SATB2: variants seen among roughly 807,000 people sequenced by gnomAD.
The protein encoded by SATB2 is SATB homeobox 2.
In SATB2, 1 loss-of-function variant was observed where a neutral mutation model predicts 73.4. That is an observed-to-expected ratio of 0.01 (90% CI 0.00 to 0.06). SATB2 has a LOEUF of 0.06. Among genes scored for constraint, SATB2 ranks in the 10% least tolerant of loss-of-function variants. SATB2 has a pLI of 1.00. For missense variants in SATB2, 459 were observed against 945.8 expected (o/e 0.49, Z 6.75); for synonymous variants, 397 against 367.0 (o/e 1.08, Z -0.93).
intron 6 of SATB2, among the ~76,000 whole-genome samples, chr2:199,350,217 A>G (rs1460839673): frequency 6.6e-6 from 1 of 152,232 alleles, no homozygotes; most frequent in East Asian, 1.9e-4. Context: ...CATTAAAGAT[A>G]ACTTTAAGAA....
chr2:199,368,455 C>T, intron 6 of SATB2, 150 bp downstream of exon 6: 1 of 639,080 alleles, frequency 1.6e-6, no homozygotes, highest in Non-Finnish European at 2.8e-6. Context: ...AGGGAGCCAA[C>T]TAGGATCTCA....
chr2:199,416,238 T>G (rs987078255), intron 3 of SATB2, among the ~76,000 whole-genome samples: 5 of 152,246 alleles, frequency 3.3e-5, no homozygotes, highest in Admixed American at 6.5e-5. Flanking sequence ...CTGAATGAAT[T>G]TTAAAAATAT....
intron 3 of SATB2, among the ~76,000 whole-genome samples, chr2:199,425,194 A>G (rs1471742911): frequency 6.6e-6 from 1 of 152,212 alleles, no homozygotes; most frequent in East Asian, 1.9e-4. Flanking sequence ...AATGAGACAT[A>G]CCTTAATTAT....
At chr2:199,327,726 T>C (rs1346386738) in intron 8 of SATB2, among the ~76,000 whole-genome samples, 2 of 152,054 alleles carry the variant, frequency 1.3e-5, no homozygotes, top group Admixed American at 6.6e-5. Flanking sequence ...AAAAGAATAC[T>C]TTTCAAGTGT....
chr2:199,326,483 A>T (rs1688031757), intron 8 of SATB2, among the ~76,000 whole-genome samples: 2 of 152,098 alleles, frequency 1.3e-5, no homozygotes, highest in Admixed American at 1.3e-4. Flanking sequence ...TGGCACTGAA[A>T]GCTATTAGGT....
chr2:199,461,476 A>G (rs1692476322), upstream of SATB2, among the ~76,000 whole-genome samples: 1 of 152,254 alleles, frequency 6.6e-6, no homozygotes, highest in African/African-American at 2.4e-5. Flanking sequence ...CAAACTTTTT[A>G]AAACAAAATC....
At chr2:199,398,573 G>T (rs1025971556) in intron 3 of SATB2, among the ~76,000 whole-genome samples, 2 of 152,126 alleles carry the variant, frequency 1.3e-5, no homozygotes, top group African/African-American at 2.4e-5. Context: ...AGATGACCAA[G>T]TCACCCACAC....
At chr2:199,466,815 A>G (rs943372646), upstream of SATB2, among the ~76,000 whole-genome samples, 15 of 152,182 alleles carry the variant, frequency 9.9e-5, no homozygotes, top group African/African-American at 3.4e-4. Flanking sequence ...TCTGTGTCTC[A>G]GTACTCTTTT....
intron 7 of SATB2, among the ~76,000 whole-genome samples, chr2:199,344,760 T>C (rs1688602892): frequency 6.6e-6 from 1 of 152,160 alleles, no homozygotes; most frequent in Non-Finnish European, 1.5e-5. Context: ...ATTGACCCCC[T>C]ATCACTTCCA....
intron 2 of SATB2, among the ~76,000 whole-genome samples, chr2:199,443,586 ACTGT>A (rs1691882681): frequency 6.6e-6 from 1 of 151,740 alleles, no homozygotes; most frequent in South Asian, 2.1e-4. Flanking sequence ...AGAAAATCCT[ACTGT>A]CTATGTTTAG....
chr2:199,355,007 G>A lies in SATB2; in HGVS notation c.701-5834C>T, dbSNP rs181751379. On this transcript the variant is annotated intron_variant, in intron 6 of 10. Coordinates refer to ENST00000417098, the MANE Select transcript of SATB2 (RefSeq NM_001172509.2). ...ATATTCCTCCCTCAGGAATTTACCT[G>A]CATTACAATTAAAAGGTATTTGGTC... Among the ~76,000 whole-genome samples, 10 of 152,050 alleles carry A rather than the reference G, an allele frequency of 6.6e-5. No individual in the cohort carries two copies. In the East Asian group the frequency reaches 1.4e-3, roughly 21 times the overall value.
rs1692566117 is a variant in SATB2, at chr2:199,464,993, C to T, written c.-298G>A. The T allele has an allele frequency of 6.6e-6, 1 of 152,256 alleles. No homozygotes were observed. Among genetic ancestry groups the T allele is most frequent in the Non-Finnish European group, 1.5e-5 (1 of 68,060 alleles). 9.4% of individuals were successfully genotyped at this position (152,256 alleles called of 1,614,324 possible). On this transcript the variant is annotated 5_prime_UTR_variant, in exon 1 of 12. Coordinates refer to the SATB2 transcript ENST00000260926. This position sits in a 1 kb window ranked among gnomAD's most constrained non-coding sequence, Gnocchi z 6.6. ...GGGGCTGATTTAAATAACTAATAAGCTCAGAGAAATTTTACGAGGGGAACT... is the reference window on the plus strand; with the variant it reads ...GGGGCTGATTTAAATAACTAATAAGTTCAGAGAAATTTTACGAGGGGAACT...
At chr2:199,374,391 CA>C (rs1263683838) in intron 5 of SATB2, among the ~76,000 whole-genome samples, 4 of 152,060 alleles carry the variant, frequency 2.6e-5, no homozygotes, top group Non-Finnish European at 5.9e-5. Flanking sequence ...TAGAGGCTAC[CA>C]GGGGTCAGGA....
intron 7 of SATB2, among the ~76,000 whole-genome samples, chr2:199,339,541 T>G (rs1193256270): frequency 6.6e-6 from 1 of 152,128 alleles, no homozygotes; most frequent in East Asian, 1.9e-4. Context: ...CATCTTTCAG[T>G]GTGTGGACTT....
chr2:199,411,531 T>G (rs916666811), intron 3 of SATB2, among the ~76,000 whole-genome samples: 2 of 152,218 alleles, frequency 1.3e-5, no homozygotes, highest in Non-Finnish European at 2.9e-5. Flanking sequence ...CACAACATTA[T>G]GAGGGTAGAT....
intron 10 of SATB2, among the ~76,000 whole-genome samples, chr2:199,286,914 C>A (rs372694299): frequency 1.4e-4 from 21 of 152,092 alleles, no homozygotes; most frequent in Non-Finnish European, 1.8e-4. Context: ...CACCAGCATA[C>A]ATGAAAGAAG....
intron 3 of SATB2, among the ~76,000 whole-genome samples, chr2:199,416,976 C>T (rs1479198648): frequency 6.6e-6 from 1 of 151,638 alleles, no homozygotes; most frequent in African/African-American, 2.4e-5. Context: ...GCGGAGCTTG[C>T]AGTGAGCGGA....
At chr2:199,429,406 G>A (rs915790613) in intron 3 of SATB2, among the ~76,000 whole-genome samples, 6 of 151,944 alleles carry the variant, frequency 3.9e-5, no homozygotes, top group Non-Finnish European at 8.8e-5. Context: ...GAATGTACTT[G>A]GCACCCTGCT....
At chr2:199,331,816 C>A (rs1267142207) in intron 7 of SATB2, among the ~76,000 whole-genome samples, 1 of 152,106 alleles carries the variant, frequency 6.6e-6, no homozygotes, top group Non-Finnish European at 1.5e-5. Flanking sequence ...CCACAAATCA[C>A]CCCACCTAAT....
Sources: allele counts gnomAD v4.1 joint callset (sites outside exome capture counted in the v4.1 genomes callset), GRCh38; gene constraint gnomAD v4.1.1; non-coding constraint Gnocchi (gnomAD v3.1); transcripts MANE v1.5; gene names NCBI Gene and HGNC (gene_info 2026-07-23, HGNC 2026-07-21).